ADGRV1: variants seen among roughly 807,000 people sequenced by gnomAD.
The protein encoded by ADGRV1 is adhesion G protein-coupled receptor V1, also known as G-protein coupled receptor 98.
ADGRV1 carries 359 observed loss-of-function variants against 596.2 expected under a neutral mutation model. The observed-to-expected ratio is 0.60, with a 90% CI of 0.55 to 0.66. The LOEUF (loss-of-function observed/expected upper bound fraction) is 0.66. Ranked by LOEUF, ADGRV1 falls within the 30% of genes least tolerant of loss-of-function variation. The pLI is 0.00. For missense variants in ADGRV1, 7,274 were observed against 7,575.6 expected, an observed-to-expected ratio of 0.96 and a Z score of 1.48; for synonymous variants, 2,681 against 2,679.2, an observed-to-expected ratio of 1.00 and a Z score of -0.02.
intron 48 of ADGRV1, 102 bp from the exon 49 acceptor site, chr5:90,728,566 TA>T: frequency 1.0e-6 from 1 of 976,784 alleles, no homozygotes; most frequent in South Asian, 1.7e-5. Context: ...TCTTTTTAAC[TA>T]AATAAAAGGA....
chr5:90,792,459 G>A (rs1000266973), intron 70 of ADGRV1: 3 of 152,096 alleles, frequency 2.0e-5, no homozygotes, highest in Non-Finnish European at 2.9e-5. Flanking sequence ...AAAACAAATG[G>A]GGTCTTCTTA....
intron 21 of ADGRV1, among the ~76,000 whole-genome samples, chr5:90,668,682 A>G (rs945814306): frequency 6.6e-6 from 1 of 152,160 alleles, no homozygotes; most frequent in African/African-American, 2.4e-5. Context: ...AAGCTCTTTT[A>G]GAACTTAAAA....
At chr5:90,839,403 A>T (rs1432960472) in intron 77 of ADGRV1, among the ~76,000 whole-genome samples, 1 of 151,622 alleles carries the variant, frequency 6.6e-6, no homozygotes, top group East Asian at 1.9e-4. Context: ...TTTAGTAGAG[A>T]TGGGGTTTCA....
intron 70 of ADGRV1, chr5:90,793,356 C>T (rs556149471): frequency 1.3e-5 from 2 of 152,274 alleles, no homozygotes; most frequent in East Asian, 3.9e-4. Flanking sequence ...TGAACATATT[C>T]AATTTATAAG....
chr5:90,937,193 T>G (rs1177761413), intron 83 of ADGRV1, among the ~76,000 whole-genome samples: 1 of 152,188 alleles, frequency 6.6e-6, no homozygotes, highest in African/African-American at 2.4e-5. Context: ...TTCAACCTAA[T>G]GACTTATGTA....
intron 52 of ADGRV1, among the ~76,000 whole-genome samples, chr5:90,748,658 T>G (rs767847064): frequency 3.9e-5 from 6 of 152,128 alleles, no homozygotes; most frequent in Non-Finnish European, 5.9e-5. Flanking sequence ...GGTACTCACT[T>G]GTTTCTTCAC....
chr5:90,813,132 C>CA lies in ADGRV1; in HGVS notation c.16078+1826dup, dbSNP rs5869522. ...TGGGCGACAGAGTAAGACTCCGTCT[C>CA]AAAAAAAAAAAAAAAAAAAAAAAAA... On this transcript the variant is annotated intron_variant, in intron 74 of 89. Transcript: ENST00000405460. Among the ~76,000 whole-genome samples, 158 of 34,914 alleles carry CA rather than the reference C, an allele frequency of 4.5e-3. 5 individuals are homozygous for CA. The highest frequency in any genetic ancestry group is 0.011 in the African/African-American group (135 of 11,998). 22.9% of individuals were successfully genotyped at this position (34,914 alleles called of 152,430 possible). A position where few individuals can be genotyped will look rare whatever the true frequency, so the allele number is the denominator to read the frequency against.
At position 91,091,370 on chromosome 5, in the gene ADGRV1, AT is replaced by A. The variant is rs559447173; in HGVS notation, c.18311-10846del. On this transcript the variant is annotated intron_variant, in intron 86 of 89. Transcript: ENST00000405460. ...GAGTGAAGGAGATAGTGGGGTTACA[AT>A]TTCTTGTCAATTTTACTTTTAACTG... is the stretch of plus-strand genomic sequence containing the variant. Among the ~76,000 whole-genome samples the A allele has an allele frequency of 1.5e-3, 235 of 152,270 alleles. 3 individuals are homozygous for A. Among genetic ancestry groups the A allele is most frequent in the African/African-American group, 5.5e-3 (228 of 41,560 alleles).
intron 88 of ADGRV1, 60 bp downstream of exon 88, chr5:91,150,281 G>C (rs1050490703): frequency 6.7e-6 from 8 of 1,201,088 alleles, no homozygotes; most frequent in Admixed American, 6.0e-5. Flanking sequence ...CTCTCTCTCT[G>C]TCTGTCTCTC....
chr5:90,735,068 C>T (rs1580931835), intron 50 of ADGRV1, among the ~76,000 whole-genome samples: 1 of 152,052 alleles, frequency 6.6e-6, no homozygotes. Context: ...TTGCTTTTGT[C>T]GCCTCAACTT....
At chr5:90,928,714 T>C (rs1343273479) in intron 83 of ADGRV1, among the ~76,000 whole-genome samples, 1 of 151,304 alleles carries the variant, frequency 6.6e-6, no homozygotes. Context: ...CGCTCTGCTT[T>C]TTAGAGTTTC....
chr5:90,870,394 G>A (rs909740765), intron 83 of ADGRV1, among the ~76,000 whole-genome samples: 3 of 152,172 alleles, frequency 2.0e-5, no homozygotes, highest in Admixed American at 1.3e-4. Flanking sequence ...TTTGAAGCCA[G>A]ATGTGTCTGG....
intron 54 of ADGRV1, 113 bp downstream of exon 54, chr5:90,753,942 G>A (rs2149966949): frequency 9.3e-7 from 1 of 1,077,558 alleles, no homozygotes; most frequent in East Asian, 2.6e-5. Context: ...TTTCAGTTTG[G>A]CAGGTCATAC....
In ADGRV1 at chr5:90,692,998, A is replaced by C. The variant is rs185620991; in HGVS notation, c.7133+212A>C. Among the ~76,000 whole-genome samples the C allele has an allele frequency of 1.2e-3, 181 of 152,296 alleles. No individual in the cohort carries two copies. In the Middle Eastern group the frequency reaches 0.014, roughly 11 times the overall value. ...CCTATTGTTAGTGAAATGGGTAATA[A>C]ATTTTACATCACTGAGCTCTCTAAC... On this transcript the variant is annotated intron_variant, in intron 32 of 89. Coordinates refer to ENST00000405460, the MANE Select transcript of ADGRV1 (RefSeq NM_032119.4).
chr5:90,725,561 A>G lies in ADGRV1; in HGVS notation c.10066A>G (p.Ile3356Val), dbSNP rs727503078. 3.2e-6 allele frequency: 5 copies of G among 1,544,760 alleles called. No individual in the cohort carries two copies. Among genetic ancestry groups the G allele is most frequent in the African/African-American group, 1.4e-5 (1 of 73,566 alleles). Residue 3356 changes from isoleucine to valine, a missense_variant, in exon 48 of 90, where the codon ATT becomes GTT. Ile to Val is a conservative substitution (Grantham distance 29). This residue lies in a region of ADGRV1 where 3,643 missense variants were observed against 3,809.2 expected (regional missense o/e 0.96). Coordinates refer to ENST00000405460, the MANE Select transcript of ADGRV1 (RefSeq NM_032119.4). ...TCTGTCCTTGCAGGTACAAACAATC[A>G]TTATTCTGGAAAGTTCTCAAGTAAG... is the stretch of plus-strand genomic sequence containing the variant. ...GFKLFLVQTI[I>V]ILESSQVRYF...
At chr5:90,899,240 C>T (rs947969752) in intron 83 of ADGRV1, 9 of 152,166 alleles carry the variant, frequency 5.9e-5, no homozygotes, top group Non-Finnish European at 1.2e-4. Flanking sequence ...TTACTTTTAG[C>T]AGAAATATAT....
At chr5:90,701,193 G>C (rs1312220136) in intron 34 of ADGRV1, among the ~76,000 whole-genome samples, 2 of 152,020 alleles carry the variant, frequency 1.3e-5, no homozygotes, top group Non-Finnish European at 2.9e-5. Context: ...AAAACTAGAA[G>C]GCTGTTTAGT....
chr5:91,129,016 T>A (rs887105828), intron 87 of ADGRV1, among the ~76,000 whole-genome samples: 1 of 152,214 alleles, frequency 6.6e-6, no homozygotes, highest in Non-Finnish European at 1.5e-5. Flanking sequence ...CGGTTCAAAA[T>A]ACTTAATTTT....
intron 84 of ADGRV1, among the ~76,000 whole-genome samples, chr5:90,976,499 G>A (rs1356322589): frequency 1.3e-5 from 2 of 151,478 alleles, no homozygotes; most frequent in Non-Finnish European, 2.9e-5. Flanking sequence ...TTTTGCTATA[G>A]TAAACAATGT....
Sources: allele counts gnomAD v4.1 joint callset (sites outside exome capture counted in the v4.1 genomes callset), GRCh38; gene constraint gnomAD v4.1.1; regional missense constraint gnomAD v4.1.1; transcripts MANE v1.5; gene names NCBI Gene and HGNC (gene_info 2026-07-23, HGNC 2026-07-21).